NKAIN2: variants seen among roughly 807,000 people sequenced by gnomAD.
NKAIN2 encodes the protein sodium/potassium transporting ATPase interacting 2.
In NKAIN2, 14 loss-of-function variants were observed where a neutral mutation model predicts 32.6. That is an observed-to-expected ratio of 0.43 (90% CI 0.28 to 0.67). The LOEUF (loss-of-function observed/expected upper bound fraction) is 0.67. Among genes scored for constraint, NKAIN2 ranks in the 30% least tolerant of loss-of-function variants. The pLI is 0.17. For synonymous variants in NKAIN2, 80 were observed against 87.2 expected (o/e 0.92, Z 0.46); for missense variants, 198 against 258.3 (o/e 0.77, Z 1.60).
intron 3 of NKAIN2, among the ~76,000 whole-genome samples, chr6:124,568,264 A>G (rs1469007911): frequency 6.6e-6 from 1 of 152,210 alleles, no homozygotes; most frequent in Non-Finnish European, 1.5e-5. Flanking sequence ...TCAATCTCCC[A>G]TATCATTATA....
chr6:124,776,837 G>C (rs1026727799), intron 4 of NKAIN2, among the ~76,000 whole-genome samples: 1 of 151,552 alleles, frequency 6.6e-6, no homozygotes, highest in Admixed American at 6.6e-5. Flanking sequence ...ATATATTTTT[G>C]TGCCAAGTAG....
intron 1 of NKAIN2, among the ~76,000 whole-genome samples, chr6:124,256,540 A>C (rs1793939707): frequency 6.6e-6 from 1 of 152,218 alleles, no homozygotes; most frequent in South Asian, 2.1e-4. Context: ...TAAATCTGAT[A>C]GTTCTGTCCT....
At chr6:124,598,745 AC>A (rs1440636429) in intron 3 of NKAIN2, among the ~76,000 whole-genome samples, 1 of 151,976 alleles carries the variant, frequency 6.6e-6, no homozygotes, top group African/African-American at 2.4e-5. Context: ...AACCTAAACC[AC>A]ATGACCAACT....
chr6:123,858,140 G>T (rs1775633754), intron 1 of NKAIN2, among the ~76,000 whole-genome samples: 1 of 151,024 alleles, frequency 6.6e-6, no homozygotes, highest in South Asian at 2.1e-4. Flanking sequence ...TTTTGAGAGG[G>T]ATACTCGCTC....
At chr6:124,136,931 T>C (rs1022652209) in intron 1 of NKAIN2, among the ~76,000 whole-genome samples, 1 of 151,972 alleles carries the variant, frequency 6.6e-6, no homozygotes, top group African/African-American at 2.4e-5. Context: ...TTGAAAGTAT[T>C]CCCCCCTGAG....
intron 3 of NKAIN2, among the ~76,000 whole-genome samples, chr6:124,570,258 C>A (rs1298581092): frequency 6.6e-6 from 1 of 152,102 alleles, no homozygotes; most frequent in East Asian, 1.9e-4. Context: ...TCTGAGGATG[C>A]AGTAGTAAAG....
intron 3 of NKAIN2, among the ~76,000 whole-genome samples, chr6:124,360,780 A>G (rs1230287820): frequency 6.6e-6 from 1 of 152,196 alleles, no homozygotes; most frequent in Non-Finnish European, 1.5e-5. Flanking sequence ...TTGAAACTAA[A>G]TATCCTAAAG....
At chr6:124,111,157 G>A (rs1785367978) in intron 1 of NKAIN2, among the ~76,000 whole-genome samples, 1 of 152,068 alleles carries the variant, frequency 6.6e-6, no homozygotes, top group Non-Finnish European at 1.5e-5. Flanking sequence ...GGAGAAAGAT[G>A]CATGTCTGAG....
intron 3 of NKAIN2, among the ~76,000 whole-genome samples, chr6:124,482,749 G>A (rs979915197): frequency 4.4e-4 from 67 of 152,276 alleles, no homozygotes; most frequent in Admixed American, 4.1e-3. Context: ...TGTCCAATAC[G>A]TGATCAAGTA....
chr6:124,069,793 GGA>G (rs1783355288), intron 1 of NKAIN2, among the ~76,000 whole-genome samples: 1 of 152,150 alleles, frequency 6.6e-6, no homozygotes. Flanking sequence ...GATGGCTACT[GGA>G]GCTCAGCAGC....
intron 4 of NKAIN2, among the ~76,000 whole-genome samples, chr6:124,672,393 T>C (rs1007316564): frequency 2.0e-5 from 3 of 152,086 alleles, no homozygotes; most frequent in South Asian, 2.1e-4. Flanking sequence ...ACTGAAAAAG[T>C]TCTCAGACTG....
intron 3 of NKAIN2, among the ~76,000 whole-genome samples, chr6:124,547,466 A>G (rs1780136407): frequency 6.6e-6 from 1 of 152,226 alleles, no homozygotes; most frequent in Admixed American, 6.5e-5. Context: ...ACAAGACTTG[A>G]CCATTCAATT....
At chr6:124,297,354 A>C (rs1312965417) in intron 2 of NKAIN2, among the ~76,000 whole-genome samples, 5 of 152,216 alleles carry the variant, frequency 3.3e-5, no homozygotes, top group Non-Finnish European at 5.9e-5. Flanking sequence ...AAAAGAAAAT[A>C]TTAAGAAAAT....
intron 3 of NKAIN2, among the ~76,000 whole-genome samples, chr6:124,419,613 A>G (rs950531850): frequency 6.6e-6 from 1 of 152,188 alleles, no homozygotes; most frequent in Admixed American, 6.6e-5. Flanking sequence ...TCTTACTGCT[A>G]CTTAGAAAGC....
At chr6:123,833,614 C>T (rs79306922) in intron 1 of NKAIN2, among the ~76,000 whole-genome samples, 1,541 of 151,240 alleles carry the variant, frequency 0.01, 32 homozygotes, top group East Asian at 0.04. Context: ...TTTCCTCACA[C>T]GGATTTTGTA....
chr6:124,319,973 C>T (rs899852146), intron 2 of NKAIN2, among the ~76,000 whole-genome samples: 2 of 152,062 alleles, frequency 1.3e-5, no homozygotes, highest in Admixed American at 1.3e-4. Context: ...TAAAAAAATA[C>T]GTTGAAAGAT....
At chr6:124,053,323 T>G (rs115802452) in intron 1 of NKAIN2, among the ~76,000 whole-genome samples, 347 of 152,084 alleles carry the variant, frequency 2.3e-3, no homozygotes, top group African/African-American at 8.2e-3. Flanking sequence ...AGGAGAAAGC[T>G]CACAGCTCCA....
At chr6:124,103,027 C>T (rs1784962067) in intron 1 of NKAIN2, among the ~76,000 whole-genome samples, 1 of 152,054 alleles carries the variant, frequency 6.6e-6, no homozygotes, top group East Asian at 1.9e-4. Context: ...GACTGAAAAT[C>T]GATGACTAAG....
At chr6:124,741,953 A>G (rs1489016499) in intron 4 of NKAIN2, among the ~76,000 whole-genome samples, 1 of 151,896 alleles carries the variant, frequency 6.6e-6, no homozygotes, top group African/African-American at 2.4e-5. Context: ...TCATTCTCCC[A>G]TATTATTTAA....
Sources: allele counts gnomAD v4.1 joint callset (sites outside exome capture counted in the v4.1 genomes callset), GRCh38; gene constraint gnomAD v4.1.1; transcripts MANE v1.5; gene names NCBI Gene and HGNC (gene_info 2026-07-23, HGNC 2026-07-21).